Variants in LPP observed in about 807,000 individuals in gnomAD.
LPP encodes the protein LIM domain containing preferred translocation partner in lipoma.
LPP carries 38 observed loss-of-function variants against 60.4 expected under a neutral mutation model. The ratio of observed to expected loss-of-function variants is 0.63; its 90% confidence interval spans 0.49 to 0.83. The LOEUF (loss-of-function observed/expected upper bound fraction) is 0.83, where lower values mean the gene tolerates loss of function less well. Ranked by LOEUF, LPP falls within the 40% of genes least tolerant of loss-of-function variation. The probability of loss-of-function intolerance (pLI) is 0.00; values close to 1 mark genes in which losing one functional copy is unlikely to be tolerated. For synonymous variants in LPP, 328 were observed against 290.8 expected (o/e 1.13, Z -1.30); for missense variants, 902 against 783.6 (o/e 1.15, Z -1.80).
At position 188,406,132 on chromosome 3, in the gene LPP, A is replaced by C. The variant is rs1300974366; in HGVS notation, c.12A>C (p.Pro4=). 1 of 1,612,730 alleles carries C rather than the reference A, an allele frequency of 6.2e-7. No homozygotes were observed. ...TGCAGATTCCAACAATGTCTCACCC[A>C]TCTTGGCTGCCACCCAAAAGCACTG... MSH[P]SWLPPKSTGE... The change falls in exon 4 of 12, where the codon CCA becomes CCC. Residue 4 remains proline, a synonymous_variant. Coordinates refer to ENST00000617246, the MANE Select transcript of LPP (RefSeq NM_001375462.1).
intron 7 of LPP, chr3:188,688,758 A>G (rs1861432929): frequency 2.0e-6 from 1 of 500,634 alleles, no homozygotes; most frequent in Non-Finnish European, 4.1e-6. Context: ...TTGATGCTGA[A>G]GATACAAGAA....
intron 1 of LPP, among the ~76,000 whole-genome samples, chr3:188,157,101 A>G (rs1716729653): frequency 6.6e-6 from 1 of 152,190 alleles, no homozygotes; most frequent in African/African-American, 2.4e-5. Flanking sequence ...TAAGTTGGTA[A>G]TGGCACATCT....
intron 3 of LPP, among the ~76,000 whole-genome samples, chr3:188,356,022 T>TA (rs932856719): frequency 8.5e-5 from 13 of 152,226 alleles, no homozygotes; most frequent in African/African-American, 3.1e-4. Context: ...GATAGTAGCT[T>TA]AAAAAATTTC....
chr3:188,835,608 G>A (rs1228886991), intron 9 of LPP, among the ~76,000 whole-genome samples: 1 of 152,054 alleles, frequency 6.6e-6, no homozygotes, highest in Admixed American at 6.6e-5. Flanking sequence ...GACAGAGTGA[G>A]GCTCCATCTC....
chr3:188,168,971 C>G (rs1015537603), intron 1 of LPP, among the ~76,000 whole-genome samples: 8 of 152,340 alleles, frequency 5.3e-5, no homozygotes, highest in African/African-American at 1.9e-4. Context: ...ACCACCTCCC[C>G]CACCTCCCAT....
chr3:188,361,848 G>A (rs973736928), intron 3 of LPP, among the ~76,000 whole-genome samples: 5 of 152,138 alleles, frequency 3.3e-5, no homozygotes, highest in Non-Finnish European at 4.4e-5. Flanking sequence ...GATTACGGGC[G>A]TGAGCCACTG....
At chr3:188,240,570 C>T (rs1412535747) in intron 2 of LPP, among the ~76,000 whole-genome samples, 1 of 152,126 alleles carries the variant, frequency 6.6e-6, no homozygotes, top group East Asian at 1.9e-4. Flanking sequence ...TTTATTCAAA[C>T]TCATTCCACT....
intron 4 of LPP, among the ~76,000 whole-genome samples, chr3:188,430,820 T>C (rs985871021): frequency 6.6e-6 from 1 of 152,136 alleles, no homozygotes; most frequent in African/African-American, 2.4e-5. Flanking sequence ...ATGTTGAGTC[T>C]TCCCCACCCA....
At chr3:188,698,383 TC>T (rs1262377340) in intron 7 of LPP, among the ~76,000 whole-genome samples, 2 of 152,010 alleles carry the variant, frequency 1.3e-5, no homozygotes, top group Admixed American at 6.5e-5. Context: ...ATATATAACA[TC>T]CATAAAGCCT....
intron 1 of LPP, among the ~76,000 whole-genome samples, chr3:188,197,628 G>A (rs1032050751): frequency 1.3e-5 from 2 of 152,156 alleles, no homozygotes; most frequent in Non-Finnish European, 1.5e-5. Context: ...AGGTGCATAA[G>A]GGACCCTACT....
intron 3 of LPP, among the ~76,000 whole-genome samples, chr3:188,389,254 C>A (rs1203362917): frequency 6.7e-6 from 1 of 149,880 alleles, no homozygotes; most frequent in African/African-American, 2.5e-5. Context: ...TGTCCCAATA[C>A]CCTGGAGAGC....
intron 8 of LPP, among the ~76,000 whole-genome samples, chr3:188,715,495 A>G (rs772878883): frequency 3.3e-5 from 5 of 151,054 alleles, no homozygotes; most frequent in Non-Finnish European, 7.4e-5. Flanking sequence ...TTTTAAATTG[A>G]GTATTAAAAT....
intron 6 of LPP, chr3:188,584,556 T>C (rs957532588): frequency 1.3e-5 from 2 of 149,780 alleles, no homozygotes; most frequent in African/African-American, 4.9e-5. Flanking sequence ...CGTGTGTGTG[T>C]GTGTGTGTGT....
intron 6 of LPP, among the ~76,000 whole-genome samples, chr3:188,606,479 G>T (rs1560626556): frequency 6.6e-6 from 1 of 151,900 alleles, no homozygotes; most frequent in Admixed American, 6.6e-5. Flanking sequence ...GTTTTGTTTT[G>T]TTCTGTTTTT....
At chr3:188,819,553 T>G (rs1002336507) in intron 9 of LPP, among the ~76,000 whole-genome samples, 18 of 152,094 alleles carry the variant, frequency 1.2e-4, no homozygotes, top group Non-Finnish European at 2.5e-4. Context: ...ATCATAAAAC[T>G]GAGTGAGGAA....
intron 7 of LPP, among the ~76,000 whole-genome samples, chr3:188,693,306 A>G (rs1305907921): frequency 6.6e-6 from 1 of 152,180 alleles, no homozygotes; most frequent in Non-Finnish European, 1.5e-5. Context: ...TAATCTGTAC[A>G]GTGGGGCAGC....
At chr3:188,707,763 A>G (rs1577123951) in intron 7 of LPP, among the ~76,000 whole-genome samples, 1 of 152,106 alleles carries the variant, frequency 6.6e-6, no homozygotes, top group South Asian at 2.1e-4. Flanking sequence ...TTCTACCTGT[A>G]TGTTTTCTCC....
rs376636733 is a variant in LPP at position 188,802,174 on chromosome 3, A to G, written c.1410+41892A>G. Among the ~76,000 whole-genome samples the G allele has an allele frequency of 2.0e-5, 3 of 152,212 alleles. No individual in the cohort carries two copies. The East Asian group carries it at 5.8e-4, about 29-fold the overall frequency. The stretch of plus-strand genomic sequence containing the variant: ...ATGGTCAACGTAGTAGTCTGAGGGC[A>G]TTCTCTTGAATGCTTAGTTCTGTGT... On this transcript the variant is annotated intron_variant, in intron 9 of 11. Transcript: ENST00000617246.
At chr3:188,866,608 A>G (rs939950946) in intron 10 of LPP, among the ~76,000 whole-genome samples, 6 of 152,156 alleles carry the variant, frequency 3.9e-5, no homozygotes, top group Admixed American at 2.0e-4. Context: ...GAGCTTGTCC[A>G]TTGCATCTCT....
Sources: gnomAD v4.1 joint callset for allele counts (sites outside exome capture counted in the v4.1 genomes callset) on GRCh38, gnomAD v4.1.1 for gene constraint, MANE v1.5 for transcripts, NCBI Gene and HGNC (gene_info 2026-07-23, HGNC 2026-07-21) for gene names.